PLD5: variants seen among roughly 807,000 people sequenced by gnomAD.
The protein encoded by PLD5 is inactive phospholipase D5.
In PLD5, 36 loss-of-function variants were observed where a neutral mutation model predicts 61.1. The ratio of observed to expected loss-of-function variants is 0.59; its 90% CI spans 0.45 to 0.78. The LOEUF is 0.78. PLD5 is among the 30% of genes least tolerant of loss of function. PLD5 has a pLI of 0.00. For synonymous variants in PLD5, 243 were observed against 242.8 expected (o/e 1.00, Z -0.01); for missense variants, 515 against 644.4 (o/e 0.80, Z 2.17).
chr1:242,169,928 C>T (rs1351008244), intron 5 of PLD5, among the ~76,000 whole-genome samples: 3 of 152,306 alleles, frequency 2.0e-5, no homozygotes, highest in African/African-American at 7.2e-5. Context: ...AGGCAGCAGC[C>T]CCAGTCAGGG....
At chr1:242,457,869 C>A (rs1051975770) in intron 1 of PLD5, among the ~76,000 whole-genome samples, 5 of 152,296 alleles carry the variant, frequency 3.3e-5, no homozygotes, top group Admixed American at 1.3e-4. Flanking sequence ...CTTATTCAAG[C>A]CATGACAGGG....
chr1:242,382,158 A>G (rs528481926), intron 1 of PLD5, among the ~76,000 whole-genome samples: 1 of 151,132 alleles, frequency 6.6e-6, no homozygotes. Flanking sequence ...AAAACTGAAC[A>G]TAGAAGAGGT....
intron 3 of PLD5, among the ~76,000 whole-genome samples, chr1:242,287,992 G>A (rs1052902050): frequency 1.3e-5 from 2 of 152,138 alleles, no homozygotes; most frequent in African/African-American, 2.4e-5. Context: ...ATGCCTCAGC[G>A]AGCAGTTACA....
In PLD5 at chr1:242,482,418, C is replaced by G. The variant is rs544482359; in HGVS notation, c.189+41670G>C. 2.9e-4 allele frequency among the ~76,000 whole-genome samples: 44 copies of G among 152,266 alleles called. 1 individual carries two copies. The highest frequency in any genetic ancestry group is 1.0e-3 in the African/African-American group (43 of 41,540). On this transcript the variant is annotated intron_variant, in intron 1 of 9. Transcript: ENST00000536534. ...AAGAACTATGTGACGAATGCACAAGCCTCAGTAGCTGATTTGATCAACTGG... is the reference window on the plus strand; with the variant it reads ...AAGAACTATGTGACGAATGCACAAGGCTCAGTAGCTGATTTGATCAACTGG...
chr1:242,288,657 A>G lies in PLD5; in HGVS notation c.327-127T>C, dbSNP rs1675171366. 4.9e-6 allele frequency: 7 copies of G among 1,422,032 alleles called. No homozygotes were observed. The South Asian group carries it at 9.5e-5, about 19-fold the overall frequency. The allele number at this position is 1,422,032 out of a possible 1,614,324, so 88.1% of individuals were successfully genotyped here. A position where few individuals can be genotyped will look rare whatever the true frequency, so the allele number is the denominator to read the frequency against. ...CTCATTCTGAATGCATTCTCTCCTC[A>G]TAATTTACATATTTTTTCCACAAAA... On this transcript the variant is annotated intron_variant, in intron 2 of 9. Coordinates refer to ENST00000536534, the MANE Select transcript of PLD5 (RefSeq NM_001372062.1).
chr1:242,168,778 A>C (rs1164038703), intron 5 of PLD5, among the ~76,000 whole-genome samples: 1 of 150,754 alleles, frequency 6.6e-6, no homozygotes, highest in Non-Finnish European at 1.5e-5. Flanking sequence ...GCAGTTGTTT[A>C]AAGGTATTCT....
At chr1:242,134,781 A>G (rs1663574277) in intron 5 of PLD5, among the ~76,000 whole-genome samples, 1 of 152,210 alleles carries the variant, frequency 6.6e-6, no homozygotes, top group Admixed American at 6.5e-5. Flanking sequence ...CAACAAGGGC[A>G]AGTCTAGCTT....
intron 4 of PLD5, among the ~76,000 whole-genome samples, chr1:242,259,508 TAATAAG>T (rs549151208): frequency 1.3e-5 from 2 of 152,268 alleles, no homozygotes; most frequent in East Asian, 3.9e-4. Flanking sequence ...TTATAGTAAA[TAATAAG>T]AATGAGACTG....
chr1:242,394,770 AT>A (rs1663329846), intron 1 of PLD5, among the ~76,000 whole-genome samples: 1 of 22,726 alleles, frequency 4.4e-5, no homozygotes, highest in African/African-American at 1.7e-4. Flanking sequence ...ATATATGTGA[AT>A]ATATATGTGT....
intron 1 of PLD5, among the ~76,000 whole-genome samples, chr1:242,435,289 T>C (rs572466732): frequency 3.3e-5 from 5 of 152,164 alleles, no homozygotes; most frequent in African/African-American, 9.7e-5. Flanking sequence ...CCCTAGTGCA[T>C]GCGCTCCCAG....
intron 1 of PLD5, among the ~76,000 whole-genome samples, chr1:242,353,334 G>A (rs112395196): frequency 3.5e-4 from 54 of 152,188 alleles, no homozygotes; most frequent in African/African-American, 1.1e-3. Context: ...CCACAGATGT[G>A]TGGTTTAATT....
intron 1 of PLD5, among the ~76,000 whole-genome samples, chr1:242,444,681 A>ATATT (rs1189009927): frequency 4.9e-4 from 9 of 18,394 alleles, no homozygotes; most frequent in East Asian, 4.7e-3. Context: ...ACATAATATA[A>ATATT]ATATTTATAT....
At chr1:242,478,939 G>C (rs780645769) in intron 1 of PLD5, among the ~76,000 whole-genome samples, 1 of 152,198 alleles carries the variant, frequency 6.6e-6, no homozygotes, top group Non-Finnish European at 1.5e-5. Flanking sequence ...TAGAATACTA[G>C]TTATTAAATG....
At chr1:242,391,277 G>C (rs1662915917) in intron 1 of PLD5, among the ~76,000 whole-genome samples, 1 of 152,166 alleles carries the variant, frequency 6.6e-6, no homozygotes, top group South Asian at 2.1e-4. Flanking sequence ...AGGGTCTGGG[G>C]CAATGGAGTT....
At chr1:242,198,561 A>G (rs1668785699) in intron 5 of PLD5, among the ~76,000 whole-genome samples, 1 of 151,998 alleles carries the variant, frequency 6.6e-6, no homozygotes, top group Non-Finnish European at 1.5e-5. Flanking sequence ...CTAATTAGAG[A>G]GAGAGGGACT....
chr1:242,419,698 C>A (rs993080272), intron 1 of PLD5, among the ~76,000 whole-genome samples: 14 of 150,918 alleles, frequency 9.3e-5, no homozygotes, highest in African/African-American at 3.2e-4. Context: ...CAGGCGTGAG[C>A]CACCATGCCC....
At chr1:242,415,442 C>T (rs968279245) in intron 1 of PLD5, among the ~76,000 whole-genome samples, 4 of 152,086 alleles carry the variant, frequency 2.6e-5, no homozygotes, top group Admixed American at 2.6e-4. Flanking sequence ...TTGGCCTCCC[C>T]ATTCCATCAA....
intron 5 of PLD5, among the ~76,000 whole-genome samples, chr1:242,188,214 A>C (rs888494811): frequency 6.6e-6 from 1 of 152,182 alleles, no homozygotes; most frequent in Non-Finnish European, 1.5e-5. Context: ...GGAGGGCGGG[A>C]GAGAGAAGTT....
At chr1:242,353,407 T>C (rs367671030) in intron 1 of PLD5, among the ~76,000 whole-genome samples, 2 of 152,208 alleles carry the variant, frequency 1.3e-5, no homozygotes, top group Admixed American at 6.5e-5. Context: ...ACTATGTTGC[T>C]TTAATTACTA....
Sources: allele counts gnomAD v4.1 joint callset (sites outside exome capture counted in the v4.1 genomes callset), GRCh38; gene constraint gnomAD v4.1.1; transcripts MANE v1.5; gene names NCBI Gene and HGNC (gene_info 2026-07-23, HGNC 2026-07-21).